AOPEP: variants seen among roughly 807,000 people sequenced by gnomAD.
AOPEP encodes the protein aminopeptidase O.
In AOPEP, 77 loss-of-function variants were observed where a neutral mutation model predicts 98.1. The observed-to-expected ratio is 0.78, with a 90% CI of 0.65 to 0.95. The LOEUF (loss-of-function observed/expected upper bound fraction) is 0.95. Among genes scored for constraint, AOPEP ranks in the 40% least tolerant of loss-of-function variants. The probability of loss-of-function intolerance (pLI) is 0.00; values close to 1 mark genes in which losing one functional copy is unlikely to be tolerated. For synonymous variants in AOPEP, 346 were observed against 365.3 expected (o/e 0.95, Z 0.60); for missense variants, 1,024 against 1,024.7 (o/e 1.00, Z 0.01).
chr9:94,774,405 T>G (rs987580159), intron 3 of AOPEP, among the ~76,000 whole-genome samples: 5 of 150,872 alleles, frequency 3.3e-5, no homozygotes, highest in Non-Finnish European at 7.4e-5. Flanking sequence ...ATTAAAAAAA[T>G]TATAGAGAAA....
chr9:94,911,446 C>T (rs1275877070), intron 5 of AOPEP, among the ~76,000 whole-genome samples: 1 of 152,202 alleles, frequency 6.6e-6, no homozygotes, highest in African/African-American at 2.4e-5. Context: ...AATGATGTCA[C>T]TTCAAGCATC....
intron 11 of AOPEP, among the ~76,000 whole-genome samples, chr9:94,994,385 TTTA>T (rs2061090869): frequency 6.6e-6 from 1 of 152,150 alleles, no homozygotes; most frequent in African/African-American, 2.4e-5. Flanking sequence ...CTATTTTACA[TTTA>T]GAACATCCAG....
chr9:94,788,766 C>G (rs1845007519), intron 3 of AOPEP, among the ~76,000 whole-genome samples: 1 of 152,194 alleles, frequency 6.6e-6, no homozygotes, highest in Non-Finnish European at 1.5e-5. Context: ...CTGGTGGCCT[C>G]AGCATCCTAT....
chr9:94,764,587 G>A (rs1292871707), intron 2 of AOPEP, among the ~76,000 whole-genome samples: 1 of 152,214 alleles, frequency 6.6e-6, no homozygotes, highest in East Asian at 1.9e-4. Context: ...GGTCAAGGCT[G>A]CAGTCAGTTG....
At chr9:95,143,947 C>T in the AOPEP span, among the ~76,000 whole-genome samples, 1 of 152,214 alleles carries the variant, frequency 6.6e-6, no homozygotes, top group Admixed American at 6.5e-5. Context: ...AAAAGACAGG[C>T]AGACCACTGC....
intron 1 of AOPEP, among the ~76,000 whole-genome samples, chr9:94,740,314 G>A (rs1027699267): frequency 3.9e-5 from 6 of 152,160 alleles, no homozygotes; most frequent in Non-Finnish European, 7.3e-5. Flanking sequence ...AGATAAGGAC[G>A]TGGTTGTGGA....
At chr9:95,106,954 G>A in the AOPEP span, 1 of 1,043,298 alleles carries the variant, frequency 9.6e-7, no homozygotes, top group Admixed American at 2.0e-5. Context: ...TATCTGTGCT[G>A]GGCAGCATCC....
At chr9:94,810,679 T>A (rs1185355076) in intron 5 of AOPEP, among the ~76,000 whole-genome samples, 1 of 152,162 alleles carries the variant, frequency 6.6e-6, no homozygotes. Context: ...CAATTTAAAA[T>A]ACATGTATAT....
intron 2 of AOPEP, among the ~76,000 whole-genome samples, chr9:94,770,443 G>C (rs1272602863): frequency 6.6e-6 from 1 of 152,214 alleles, no homozygotes; most frequent in Non-Finnish European, 1.5e-5. Context: ...CAAGGTTACA[G>C]TCCAGCTGTT....
intron 1 of AOPEP, among the ~76,000 whole-genome samples, chr9:94,747,365 G>A (rs909175539): frequency 1.2e-4 from 18 of 152,016 alleles, no homozygotes; most frequent in African/African-American, 2.9e-4. Context: ...ATTGCCCCAC[G>A]GGTATGAGTT....
chr9:94,992,270 A>C (rs961284304), intron 11 of AOPEP, among the ~76,000 whole-genome samples: 3 of 152,212 alleles, frequency 2.0e-5, no homozygotes, highest in African/African-American at 7.2e-5. Context: ...GCAGCTGTCT[A>C]CTTTTCACTG....
At chr9:95,095,618 T>TG in the AOPEP span, among the ~76,000 whole-genome samples, 1 of 152,244 alleles carries the variant, frequency 6.6e-6, no homozygotes, top group Non-Finnish European at 1.5e-5. Context: ...TGTGGTTTCT[T>TG]GCTTTTGCGT....
chr9:95,130,751 T>C, the AOPEP span, among the ~76,000 whole-genome samples: 1 of 152,234 alleles, frequency 6.6e-6, no homozygotes, highest in Admixed American at 6.5e-5. Context: ...AATATGTGCA[T>C]ATTCACTACA....
chr9:94,989,394 G>T (rs368880595), intron 11 of AOPEP, among the ~76,000 whole-genome samples: 4 of 151,792 alleles, frequency 2.6e-5, no homozygotes, highest in Non-Finnish European at 5.9e-5. Flanking sequence ...GGGCCACCGC[G>T]CCCAGCTAAT....
At chr9:94,966,945 GTAAA>G (rs1194073107) in intron 9 of AOPEP, among the ~76,000 whole-genome samples, 1 of 152,080 alleles carries the variant, frequency 6.6e-6, no homozygotes, top group Non-Finnish European at 1.5e-5. Context: ...TGTTTTAAGA[GTAAA>G]TAAGAGATAT....
intron 3 of AOPEP, among the ~76,000 whole-genome samples, chr9:94,783,493 G>A (rs1430290908): frequency 6.6e-6 from 1 of 152,162 alleles, no homozygotes; most frequent in African/African-American, 2.4e-5. Flanking sequence ...AGACAGTCAC[G>A]CTATGGGTAT....
At chr9:94,833,459 A>G (rs2041170076) in intron 5 of AOPEP, among the ~76,000 whole-genome samples, 1 of 150,114 alleles carries the variant, frequency 6.7e-6, no homozygotes. Flanking sequence ...CTGGTCTTGA[A>G]CTCCTGACCT....
chr9:94,904,735 G>A (rs2050897395), intron 5 of AOPEP: 1 of 152,206 alleles, frequency 6.6e-6, no homozygotes, highest in African/African-American at 2.4e-5. Flanking sequence ...AGGTATCTTT[G>A]TAGAATTTCT....
chr9:94,909,528 A>G (rs565657715), intron 5 of AOPEP, among the ~76,000 whole-genome samples: 1 of 152,308 alleles, frequency 6.6e-6, no homozygotes, highest in African/African-American at 2.4e-5. Flanking sequence ...CCACCAAAAC[A>G]AAGAAAAGGA....
Sources: allele counts gnomAD v4.1 joint callset (sites outside exome capture counted in the v4.1 genomes callset), GRCh38; gene constraint gnomAD v4.1.1; transcripts MANE v1.5; gene names NCBI Gene and HGNC (gene_info 2026-07-23, HGNC 2026-07-21).